Variants in VRK1 observed in about 807,000 individuals in gnomAD.
VRK1 encodes VRK serine/threonine kinase 1, also known as serine/threonine-protein kinase VRK1.
A neutral mutation model predicts 57.1 loss-of-function variants in VRK1; 33 were observed. The ratio of observed to expected loss-of-function variants is 0.58; its 90% CI spans 0.44 to 0.77. The LOEUF (loss-of-function observed/expected upper bound fraction) is 0.77. VRK1 is among the 30% of genes least tolerant of loss of function. The probability of loss-of-function intolerance (pLI) is 0.00; values close to 1 mark genes in which losing one functional copy is unlikely to be tolerated. For synonymous variants in VRK1, 137 were observed against 147.8 expected, an observed-to-expected ratio of 0.93 and a Z score of 0.53; for missense variants, 413 against 477.3, an observed-to-expected ratio of 0.87 and a Z score of 1.25.
chr14:96,834,617 G>C (rs1043330325), intron 2 of VRK1, among the ~76,000 whole-genome samples: 9 of 152,196 alleles, frequency 5.9e-5, no homozygotes, highest in African/African-American at 2.2e-4. Flanking sequence ...GTCAGTTGCA[G>C]TTTCTGGAGC....
intron 1 of VRK1, among the ~76,000 whole-genome samples, chr14:96,797,944 A>G (rs1885505043): frequency 6.6e-6 from 1 of 152,144 alleles, no homozygotes; most frequent in South Asian, 2.1e-4. Flanking sequence ...TGCGGGCTAG[A>G]GGAATGGGGG....
At chr14:96,803,046 A>C (rs1566680815) in intron 1 of VRK1, among the ~76,000 whole-genome samples, 1 of 151,874 alleles carries the variant, frequency 6.6e-6, no homozygotes, top group East Asian at 1.9e-4. Context: ...TGTATACACT[A>C]CCCACCAGCT....
chr14:96,876,010 T>C lies in VRK1; in HGVS notation c.1069-20T>C. 2 of 1,610,382 alleles carry C rather than the reference T, an allele frequency of 1.2e-6. No individual in the cohort carries two copies. The highest frequency in any genetic ancestry group is 2.2e-5 in the South Asian group (2 of 91,030). ...TGACTGTCAGATATCTCTCTCTCTC[T>C]CTTTAATTTTATATGTAAGAAGCGA... On this transcript the variant is annotated intron_variant, in intron 11 of 12. Transcript: ENST00000216639.
At chr14:96,822,350 T>C (rs150629427) in intron 1 of VRK1, among the ~76,000 whole-genome samples, 8 of 152,324 alleles carry the variant, frequency 5.3e-5, no homozygotes, top group African/African-American at 1.9e-4. Context: ...GTTTTTATTT[T>C]AAATTTTAAG....
At chr14:96,833,381 C>T in intron 1 of VRK1, 86 bp from the exon 2 acceptor site, 1 of 1,514,490 alleles carries the variant, frequency 6.6e-7, no homozygotes, top group South Asian at 1.2e-5. Flanking sequence ...TGAACAGCAT[C>T]TCCGTACGGA....
intron 1 of VRK1, among the ~76,000 whole-genome samples, chr14:96,810,658 C>T (rs530492754): frequency 4.8e-4 from 73 of 152,194 alleles, no homozygotes; most frequent in African/African-American, 1.7e-3. Context: ...TTCTTAAATC[C>T]GTCTTGACTC....
intron 1 of VRK1, among the ~76,000 whole-genome samples, chr14:96,821,627 C>G (rs1006505487): frequency 7.2e-5 from 11 of 152,154 alleles, no homozygotes; most frequent in African/African-American, 2.7e-4. Flanking sequence ...GCCTTGCCCC[C>G]TTACAGTCTA....
intron 11 of VRK1, among the ~76,000 whole-genome samples, chr14:96,870,942 T>G (rs1486764412): frequency 1.3e-5 from 2 of 152,186 alleles, no homozygotes; most frequent in Non-Finnish European, 2.9e-5. Flanking sequence ...CAAATTATGC[T>G]GACTTTATGA....
chr14:96,875,308 G>A, intron 11 of VRK1, among the ~76,000 whole-genome samples: 1 of 152,160 alleles, frequency 6.6e-6, no homozygotes, highest in Non-Finnish European at 1.5e-5. Flanking sequence ...GATGGTGACA[G>A]AATATAAGCA....
chr14:96,809,735 G>A (rs1435419256), intron 1 of VRK1, among the ~76,000 whole-genome samples: 1 of 151,968 alleles, frequency 6.6e-6, no homozygotes, highest in East Asian at 1.9e-4. Flanking sequence ...ACCACGCCTG[G>A]CTCATTTTTG....
intron 1 of VRK1, among the ~76,000 whole-genome samples, chr14:96,805,725 A>G (rs1885846643): frequency 6.6e-6 from 1 of 152,360 alleles, no homozygotes; most frequent in East Asian, 1.9e-4. Flanking sequence ...TAAGAAAAAA[A>G]TCAGTGATGA....
intron 12 of VRK1, among the ~76,000 whole-genome samples, chr14:96,880,091 C>T (rs1206454596): frequency 1.3e-5 from 2 of 151,832 alleles, no homozygotes; most frequent in East Asian, 1.9e-4. Context: ...TTATGAGTGG[C>T]AGAAAAAAGG....
chr14:96,851,850 A>G (rs1280913013), intron 5 of VRK1, among the ~76,000 whole-genome samples: 2 of 152,236 alleles, frequency 1.3e-5, no homozygotes, highest in African/African-American at 4.8e-5. Context: ...TAACGTTTTA[A>G]GTACTTACAG....
chr14:96,832,694 T>G (rs1412343553), intron 1 of VRK1, among the ~76,000 whole-genome samples: 1 of 152,190 alleles, frequency 6.6e-6, no homozygotes, highest in Non-Finnish European at 1.5e-5. Flanking sequence ...TGAATCAAGA[T>G]TCATCTCCTA....
chr14:96,859,478 A>G (rs961464453), intron 10 of VRK1, among the ~76,000 whole-genome samples: 4 of 152,180 alleles, frequency 2.6e-5, no homozygotes, highest in Admixed American at 6.5e-5. Context: ...ATGTTTTATC[A>G]TACATGGTGA....
chr14:96,809,452 T>TA (rs776409860), intron 1 of VRK1, among the ~76,000 whole-genome samples: 2 of 152,210 alleles, frequency 1.3e-5, no homozygotes, highest in African/African-American at 2.4e-5. Flanking sequence ...ATCATATACT[T>TA]ATGTATATGT....
chr14:96,831,471 AG>A (rs1887001539), intron 1 of VRK1, among the ~76,000 whole-genome samples: 1 of 152,212 alleles, frequency 6.6e-6, no homozygotes, highest in Non-Finnish European at 1.5e-5. Context: ...GACTATTTTT[AG>A]GAAAGAAAGT....
intron 11 of VRK1, among the ~76,000 whole-genome samples, chr14:96,871,719 T>C (rs907720223): frequency 1.3e-5 from 2 of 152,244 alleles, no homozygotes. Context: ...AGTGCTGTTG[T>C]GGAAGGAAAT....
chr14:96,847,140 A>T, intron 4 of VRK1, 117 bp from the exon 5 acceptor site: 1 of 750,872 alleles, frequency 1.3e-6, no homozygotes, highest in Non-Finnish European at 2.2e-6. Flanking sequence ...TTTCTTTTTT[A>T]TGAATACAGG....
Sources: gnomAD v4.1 joint callset for allele counts (sites outside exome capture counted in the v4.1 genomes callset) on GRCh38, gnomAD v4.1.1 for gene constraint, MANE v1.5 for transcripts, NCBI Gene and HGNC (gene_info 2026-07-23, HGNC 2026-07-21) for gene names.